The following BRINP3 variants were observed in gnomAD, a reference collection of about 807,000 sequenced individuals.
BRINP3 encodes BMP/retinoic acid inducible neural specific 3.
Under a neutral mutation model 71.0 loss-of-function variants are expected in BRINP3, and 19 were observed. The observed-to-expected ratio is 0.27, with a 90% CI of 0.19 to 0.39. BRINP3 has a LOEUF of 0.39. BRINP3 is among the 10% of genes least tolerant of loss of function. BRINP3 has a pLI of 1.00. For missense variants in BRINP3, 959 were observed against 940.8 expected, an observed-to-expected ratio of 1.02 and a Z score of -0.25; for synonymous variants, 380 against 337.7, an observed-to-expected ratio of 1.13 and a Z score of -1.37.
At chr1:190,144,408 A>G (rs1655710382) in intron 7 of BRINP3, among the ~76,000 whole-genome samples, 1 of 152,110 alleles carries the variant, frequency 6.6e-6, no homozygotes, top group South Asian at 2.1e-4. Context: ...GGACAATGGC[A>G]TCATCAACTG....
chr1:190,470,903 T>C (rs909995352), intron 1 of BRINP3, among the ~76,000 whole-genome samples: 2 of 151,202 alleles, frequency 1.3e-5, no homozygotes, highest in African/African-American at 4.8e-5. Flanking sequence ...CATCAATTAA[T>C]TACTCTTGAT....
chr1:190,399,558 C>T (rs1464477147), intron 2 of BRINP3, among the ~76,000 whole-genome samples: 2 of 151,946 alleles, frequency 1.3e-5, no homozygotes, highest in East Asian at 3.9e-4. Context: ...ATGTAGTACT[C>T]TCCTGTTCAT....
At chr1:190,215,976 C>T (rs1212927839) in intron 6 of BRINP3, among the ~76,000 whole-genome samples, 1 of 150,240 alleles carries the variant, frequency 6.7e-6, no homozygotes, top group Non-Finnish European at 1.5e-5. Context: ...ATGAAGATTG[C>T]TGTATTTCAT....
At chr1:190,327,212 G>T (rs550360351) in intron 2 of BRINP3, among the ~76,000 whole-genome samples, 1 of 150,428 alleles carries the variant, frequency 6.6e-6, no homozygotes, top group Non-Finnish European at 1.5e-5. Flanking sequence ...CTACTTGGAA[G>T]GCTGAGGTAG....
chr1:190,422,385 T>C (rs1673443799), intron 2 of BRINP3, among the ~76,000 whole-genome samples: 1 of 151,854 alleles, frequency 6.6e-6, no homozygotes, highest in Non-Finnish European at 1.5e-5. Flanking sequence ...AGATTCTCTA[T>C]GAACCTCAGA....
intron 6 of BRINP3, among the ~76,000 whole-genome samples, chr1:190,184,239 T>A (rs1376465656): frequency 3.3e-5 from 5 of 152,160 alleles, no homozygotes; most frequent in African/African-American, 1.2e-4. Flanking sequence ...TTAAGGAGGC[T>A]GACAAGGATA....
At chr1:190,451,194 A>T (rs1311114581) in intron 2 of BRINP3, among the ~76,000 whole-genome samples, 3 of 151,630 alleles carry the variant, frequency 2.0e-5, no homozygotes, top group African/African-American at 7.3e-5. Context: ...AAAGAAAAAA[A>T]AAATTTTTGT....
At chr1:190,322,005 T>A (rs983884453) in intron 2 of BRINP3, among the ~76,000 whole-genome samples, 4 of 151,992 alleles carry the variant, frequency 2.6e-5, no homozygotes, top group African/African-American at 9.7e-5. Flanking sequence ...ATATAAGATT[T>A]TTTCATAAAT....
intron 7 of BRINP3, among the ~76,000 whole-genome samples, chr1:190,117,902 T>A (rs1040920342): frequency 6.6e-6 from 1 of 152,080 alleles, no homozygotes; most frequent in Admixed American, 6.6e-5. Context: ...AGAAAGCAGA[T>A]CAGTTTTATA....
intron 2 of BRINP3, among the ~76,000 whole-genome samples, chr1:190,334,226 T>A (rs1008203746): frequency 1.3e-5 from 2 of 151,896 alleles, no homozygotes; most frequent in Non-Finnish European, 2.9e-5. Flanking sequence ...CTGATTTCAA[T>A]CTTTTTTCAA....
At chr1:190,344,005 C>T (rs1295405634) in intron 2 of BRINP3, among the ~76,000 whole-genome samples, 1 of 151,576 alleles carries the variant, frequency 6.6e-6, no homozygotes, top group African/African-American at 2.4e-5. Flanking sequence ...CATGAGTAGA[C>T]CTAGTGCTCA....
At chr1:190,328,557 A>G (rs1301604643) in intron 2 of BRINP3, among the ~76,000 whole-genome samples, 1 of 151,990 alleles carries the variant, frequency 6.6e-6, no homozygotes, top group African/African-American at 2.4e-5. Flanking sequence ...GAAAAATGCC[A>G]CAGGGCCAGT....
intron 7 of BRINP3, among the ~76,000 whole-genome samples, chr1:190,147,613 T>C (rs1169268263): frequency 6.6e-6 from 1 of 152,230 alleles, no homozygotes; most frequent in African/African-American, 2.4e-5. Context: ...AAAGAAATTG[T>C]TTTCATTCTT....
At chr1:190,150,634 C>G (rs1215550106) in intron 7 of BRINP3, among the ~76,000 whole-genome samples, 4 of 152,102 alleles carry the variant, frequency 2.6e-5, no homozygotes, top group African/African-American at 9.7e-5. Flanking sequence ...TACATATTTA[C>G]CTAATGACAA....
chr1:190,313,404 G>A (rs1347271282), intron 2 of BRINP3, among the ~76,000 whole-genome samples: 1 of 151,954 alleles, frequency 6.6e-6, no homozygotes, highest in Admixed American at 6.6e-5. Flanking sequence ...TGGTGGGGCA[G>A]GCAGTATCCT....
chr1:190,357,979 C>T (rs1331696769), intron 2 of BRINP3, among the ~76,000 whole-genome samples: 1 of 151,340 alleles, frequency 6.6e-6, no homozygotes, highest in Non-Finnish European at 1.5e-5. Flanking sequence ...GAAACTGGAT[C>T]CCTTCCTTAC....
intron 2 of BRINP3, among the ~76,000 whole-genome samples, chr1:190,283,909 A>G (rs970015621): frequency 6.6e-6 from 1 of 151,772 alleles, no homozygotes; most frequent in Non-Finnish European, 1.5e-5. Context: ...ACTTGACCTT[A>G]AAGCTGTGAC....
chr1:190,330,468 C>G (rs1313659972), intron 2 of BRINP3, among the ~76,000 whole-genome samples: 1 of 151,744 alleles, frequency 6.6e-6, no homozygotes, highest in Non-Finnish European at 1.5e-5. Context: ...TTTTATTAAA[C>G]AGCAAAAAAT....
chr1:190,212,689 A>T lies in BRINP3; in HGVS notation c.961+13393T>A, dbSNP rs138832147. On this transcript the variant is annotated intron_variant, in intron 6 of 7. Transcript: ENST00000367462. ...TTAGATTTGGCCATAAAATGTGATC[A>T]TAAGTAATGCGAATTAGCTAGACAC... Among the ~76,000 whole-genome samples the T allele has an allele frequency of 2.5e-3, 383 of 152,216 alleles. 3 individuals are homozygous for T. Among genetic ancestry groups the T allele is most frequent in the African/African-American group, 8.9e-3 (370 of 41,560 alleles).
Sources: allele counts gnomAD v4.1 joint callset (sites outside exome capture counted in the v4.1 genomes callset), GRCh38; gene constraint gnomAD v4.1.1; transcripts MANE v1.5; gene names NCBI Gene and HGNC (gene_info 2026-07-23, HGNC 2026-07-21).